KIF24: variants seen among roughly 807,000 people sequenced by gnomAD.
KIF24 encodes the protein kinesin family member 24.
In KIF24, 81 loss-of-function variants were observed where a neutral mutation model predicts 118.9. The observed-to-expected ratio is 0.68, with a 90% CI of 0.57 to 0.82. KIF24 has a LOEUF of 0.82. Ranked by LOEUF, KIF24 falls within the 40% of genes least tolerant of loss-of-function variation. KIF24 has a pLI of 0.00. For synonymous variants in KIF24, 599 were observed against 610.0 expected (o/e 0.98, Z 0.27); for missense variants, 1,560 against 1,661.6 (o/e 0.94, Z 1.06).
intron 6 of KIF24, among the ~76,000 whole-genome samples, chr9:34,285,930 TAAAAAA>T (rs11283995): frequency 4.1e-5 from 5 of 120,882 alleles, no homozygotes; most frequent in African/African-American, 6.2e-5. Context: ...CCCTGTTGCT[TAAAAAA>T]AAAAAAAAAA....
At position 34,256,247 on chromosome 9, in the gene KIF24, A is replaced by T; in HGVS notation, c.3360T>A (p.Asp1120Glu). 2 of 1,605,506 alleles carry T rather than the reference A, an allele frequency of 1.2e-6. No individual in the cohort carries two copies. The highest frequency in any genetic ancestry group is 1.7e-6 in the Non-Finnish European group (2 of 1,175,422). The stretch of plus-strand genomic sequence containing the variant: ...CTGGAAGATCACCACCAGGCTTATT[A>T]TCAGGGGGAGATGAGGACAGCCACA... ...RHLWLSSSPP[D>E]NKPGGDLPAL... The change falls in exon 11 of 13, where the codon GAT (aspartate) becomes GAA (glutamate). Residue 1120 changes from aspartate to glutamate, a missense_variant. Asp to Glu is a conservative substitution (Grantham distance 45). This residue lies in a region of KIF24 where 591 missense variants were observed against 655.6 expected (regional missense o/e 0.90). Transcript: ENST00000402558.
At chr9:34,316,929 G>A (rs1044934566) in intron 1 of KIF24, among the ~76,000 whole-genome samples, 5 of 150,984 alleles carry the variant, frequency 3.3e-5, no homozygotes, top group African/African-American at 4.9e-5. Context: ...AAAATTGGCC[G>A]GGCGGCTGAG....
At chr9:34,276,607 A>C (rs1835670369) in intron 6 of KIF24, among the ~76,000 whole-genome samples, 1 of 152,138 alleles carries the variant, frequency 6.6e-6, no homozygotes, top group Non-Finnish European at 1.5e-5. Flanking sequence ...AACTAAAAAT[A>C]TTTTTTCCAT....
chr9:34,264,575 A>C (rs1317501735), intron 8 of KIF24, among the ~76,000 whole-genome samples: 2 of 152,100 alleles, frequency 1.3e-5, no homozygotes, highest in Non-Finnish European at 2.9e-5. Flanking sequence ...TCTATCCAAG[A>C]AGCTGCAGGG....
chr9:34,308,080 C>A (rs1183545902), intron 2 of KIF24, among the ~76,000 whole-genome samples: 1 of 152,014 alleles, frequency 6.6e-6, no homozygotes, highest in Non-Finnish European at 1.5e-5. Context: ...AAGCCATCCT[C>A]CCACTTCAGC....
intron 9 of KIF24, 98 bp from the exon 10 acceptor site, chr9:34,259,803 T>C: frequency 1.4e-6 from 1 of 737,204 alleles, no homozygotes; most frequent in Non-Finnish European, 2.4e-6. Context: ...AGTTCCCTTC[T>C]GTCCACAAAA....
intron 3 of KIF24, among the ~76,000 whole-genome samples, chr9:34,297,432 C>G (rs963436452): frequency 3.9e-5 from 6 of 152,088 alleles, no homozygotes; most frequent in African/African-American, 1.4e-4. Context: ...GGGGATTATC[C>G]TCGTATTCCA....
chr9:34,295,615 T>C (rs1836436387), intron 4 of KIF24, among the ~76,000 whole-genome samples: 1 of 152,122 alleles, frequency 6.6e-6, no homozygotes, highest in Non-Finnish European at 1.5e-5. Flanking sequence ...GAGGCAGAAG[T>C]TGCAGTGAGC....
chr9:34,253,160 G>A lies in KIF24; in HGVS notation c.*1220C>T, dbSNP rs776295947. On this transcript the variant is annotated 3_prime_UTR_variant, in exon 13 of 13. Transcript: ENST00000402558. ...AGGGTGACTGGACCAGGCTGCTAGT[G>A]TCTCAAGAGAGCCATTTAACCCTCT... 4.6e-5 allele frequency: 7 copies of A among 152,282 alleles called. No homozygotes were observed. Among genetic ancestry groups the A allele is most frequent in the Non-Finnish European group, 7.3e-5 (5 of 68,046 alleles). 9.4% of individuals were successfully genotyped at this position (152,282 alleles called of 1,614,324 possible).
intron 4 of KIF24, among the ~76,000 whole-genome samples, chr9:34,296,486 G>A (rs187671435): frequency 0.015 from 2,321 of 150,584 alleles, 24 homozygotes; most frequent in Admixed American, 0.026. Context: ...GCAGTGAGCT[G>A]AGATCACGCC....
At chr9:34,327,838 T>TAA (rs371382729) in intron 1 of KIF24, among the ~76,000 whole-genome samples, 102 of 123,030 alleles carry the variant, frequency 8.3e-4, no homozygotes, top group East Asian at 3.0e-3. Context: ...TTTTCTCTAA[T>TAA]AAAAAAAAAA....
At chr9:34,299,240 G>A (rs1478823359) in intron 3 of KIF24, among the ~76,000 whole-genome samples, 1 of 151,828 alleles carries the variant, frequency 6.6e-6, no homozygotes, top group Admixed American at 6.6e-5. Flanking sequence ...GAGTGCAGTG[G>A]CATGATCTTG....
intron 10 of KIF24, among the ~76,000 whole-genome samples, chr9:34,259,284 C>T (rs867136182): frequency 1.3e-5 from 2 of 152,322 alleles, no homozygotes; most frequent in South Asian, 2.1e-4. Flanking sequence ...AGCCTTCCAC[C>T]CATTAATATT....
At position 34,306,292 on chromosome 9, in the gene KIF24, T is replaced by C. The variant is rs1836912741; in HGVS notation, c.773A>G (p.Glu258Gly). The change falls in exon 3 of 13, where the codon GAG becomes GGG. Residue 258 changes from glutamate to glycine, a missense_variant. This residue lies in a region of KIF24 where 964 missense variants were observed against 988.0 expected (regional missense o/e 0.98). Coordinates refer to ENST00000402558, the MANE Select transcript of KIF24 (RefSeq NM_194313.4). ...AGTGAGGTCAACTGCTTCTTTCTTC[T>C]CATGCACAAGTAGAGTTTCTTTGTC... ...VEDKETLLVH[E>G]KKEAVDLTQY... 4 of 1,610,424 alleles carry C rather than the reference T, an allele frequency of 2.5e-6. No individual in the cohort carries two copies. Among genetic ancestry groups the C allele is most frequent in the Non-Finnish European group, 3.4e-6 (4 of 1,177,714 alleles).
chr9:34,310,733 G>T lies in KIF24; in HGVS notation c.614C>A (p.Ser205Tyr), dbSNP rs767273917. Residue 205 changes from serine to tyrosine, a missense_variant, in exon 2 of 13, where the codon TCT (serine) becomes TAT (tyrosine). Transcript: ENST00000402558. ...VSGYNYGIPH[S>Y]CIRQNTSEKQ... is the part of the protein sequence containing the mutation. ...AGATAAAATTTATTACCTGATACAA[G>T]AATGAGGGATTCCATAGTTATACCC... The T allele has an allele frequency of 1.3e-6, 2 of 1,587,428 alleles. No homozygotes were observed. The highest frequency in any genetic ancestry group is 1.2e-5 in the South Asian group (1 of 86,484).
intron 1 of KIF24, among the ~76,000 whole-genome samples, chr9:34,312,859 C>T (rs955959235): frequency 2.0e-5 from 3 of 152,050 alleles, no homozygotes; most frequent in South Asian, 4.1e-4. Flanking sequence ...CCACCACACC[C>T]GGCTAATTTT....
In KIF24 at chr9:34,318,934, C is replaced by T. The variant is rs1359724741; in HGVS notation, c.-25-7563G>A. The T allele has an allele frequency of 7.1e-6, 11 of 1,548,210 alleles. No individual in the cohort carries two copies. The highest frequency in any genetic ancestry group is 1.1e-5 in the South Asian group (1 of 89,728). On this transcript the variant is annotated intron_variant, in intron 1 of 12. Coordinates refer to ENST00000402558, the MANE Select transcript of KIF24 (RefSeq NM_194313.4). This position sits in a 1 kb window ranked among gnomAD's most constrained non-coding sequence, Gnocchi z 4.9. The stretch of plus-strand genomic sequence containing the variant: ...CGCTGCAGTCCATCCACGAGTGGGC[C>T]GTGCAGACCACCGACGGCAAGCTGC...
chr9:34,284,129 G>A (rs1165277554), intron 6 of KIF24, among the ~76,000 whole-genome samples: 1 of 151,914 alleles, frequency 6.6e-6, no homozygotes, highest in Non-Finnish European at 1.5e-5. Flanking sequence ...TTAGCCAAGT[G>A]TGGTGGCATA....
At chr9:34,311,429 T>A in intron 1 of KIF24, 58 bp from the exon 2 acceptor site, 1 of 908,132 alleles carries the variant, frequency 1.1e-6, no homozygotes, top group Non-Finnish European at 1.5e-6. Context: ...TACAATTATT[T>A]ATTTTAAAAA....
Sources: allele counts gnomAD v4.1 joint callset (sites outside exome capture counted in the v4.1 genomes callset), GRCh38; gene constraint gnomAD v4.1.1; regional missense constraint gnomAD v4.1.1; non-coding constraint Gnocchi (gnomAD v3.1); transcripts MANE v1.5; gene names NCBI Gene and HGNC (gene_info 2026-07-23, HGNC 2026-07-21).